Variants in PDE6B observed in about 807,000 individuals in gnomAD.
The protein encoded by PDE6B is phosphodiesterase 6B.
A neutral mutation model predicts 109.0 loss-of-function variants in PDE6B; 106 were observed. The observed-to-expected ratio is 0.97, with a 90% confidence interval of 0.83 to 1.14. The LOEUF (loss-of-function observed/expected upper bound fraction) is 1.14. Among genes scored for constraint, PDE6B ranks in the 50% most tolerant of loss-of-function variants. The probability of loss-of-function intolerance (pLI) is 0.00; values close to 1 mark genes in which losing one functional copy is unlikely to be tolerated. For missense variants in PDE6B, 1,193 were observed against 1,155.6 expected (o/e 1.03, Z -0.47); for synonymous variants, 490 against 471.3 (o/e 1.04, Z -0.51).
chr4:654,462 CGTGT>C (rs769380840), intron 5 of PDE6B: 119 of 570,800 alleles, frequency 2.1e-4, no homozygotes, highest in Middle Eastern at 9.5e-4. Context: ...GTGTAGGATG[CGTGT>C]GTGTGTGTGT....
chr4:635,601 G>T (rs946173686), intron 2 of PDE6B, among the ~76,000 whole-genome samples: 5 of 148,478 alleles, frequency 3.4e-5, no homozygotes, highest in African/African-American at 1.2e-4. Flanking sequence ...GTTCTGTGCT[G>T]CGCGTCTGCT....
At chr4:650,648 G>A (rs950934587) in intron 3 of PDE6B, among the ~76,000 whole-genome samples, 5 of 152,298 alleles carry the variant, frequency 3.3e-5, no homozygotes, top group African/African-American at 4.8e-5. Context: ...AAACAGCTCC[G>A]ACACCCACAC....
intron 3 of PDE6B, among the ~76,000 whole-genome samples, chr4:645,061 C>T (rs1305205229): frequency 6.6e-6 from 1 of 152,008 alleles, no homozygotes; most frequent in African/African-American, 2.4e-5. Context: ...ATGCCCCTTC[C>T]ACCAACAATT....
chr4:657,597 G>A lies in PDE6B; in HGVS notation c.1401+103G>A. The A allele has an allele frequency of 2.4e-6, 3 of 1,228,726 alleles. No individual in the cohort carries two copies. In the South Asian group the frequency reaches 3.8e-5, roughly 16 times the overall value. The allele number at this position is 1,228,726 out of a possible 1,614,324, so 76.1% of individuals were successfully genotyped here. On this transcript the variant is annotated intron_variant, in intron 10 of 21. Coordinates refer to ENST00000496514, the MANE Select transcript of PDE6B (RefSeq NM_000283.4). ...CAGGGGTCTCGGCTGTGTGGTGGGG[G>A]CAGGTCATCCAGGGGTCACCCAGGG...
chr4:662,667 G>C lies in PDE6B; in HGVS notation c.1832+49G>C. 8.5e-7 allele frequency: 1 copy of C among 1,180,160 alleles called. No homozygotes were observed. The highest frequency in any genetic ancestry group is 1.3e-6 in the Non-Finnish European group (1 of 784,848). 73.1% of individuals were successfully genotyped at this position (1,180,160 alleles called of 1,614,324 possible). A position where few individuals can be genotyped will look rare whatever the true frequency, so the allele number is the denominator to read the frequency against. ...TGAATTAGCCCTAAATCAACTCCAC[G>C]CCCTTGGCGTGAATTAGGCTTCGCA... On this transcript the variant is annotated intron_variant, in intron 14 of 21. Coordinates refer to ENST00000496514, the MANE Select transcript of PDE6B (RefSeq NM_000283.4). The surrounding 1 kb of genome is among the most constrained non-coding windows in gnomAD (Gnocchi z 4.3).
chr4:655,952 C>T lies in PDE6B; in HGVS notation c.1005C>T (p.Ala335=), dbSNP rs370605672. 2.1e-5 allele frequency: 33 copies of T among 1,609,022 alleles called. No homozygotes were observed. Among genetic ancestry groups the T allele is most frequent in the East Asian group, 1.8e-4 (8 of 44,868 alleles). ...TCTCTGCCCACAGCACACCCTCAGC[C>T]GATCACTGGGCCCTGGCCAGCGGCC... ...EEIKVIPTPS[A]DHWALASGLP... The change falls in exon 7 of 22, where the codon GCC becomes GCT. Residue 335 remains alanine, a synonymous_variant. Coordinates refer to ENST00000496514, the MANE Select transcript of PDE6B (RefSeq NM_000283.4).
chr4:644,825 C>T (rs941247842), intron 3 of PDE6B, among the ~76,000 whole-genome samples: 3 of 152,072 alleles, frequency 2.0e-5, no homozygotes, highest in Admixed American at 6.5e-5. Flanking sequence ...CCACCATGCC[C>T]GGCCCACAGT....
At chr4:628,820 C>T (rs1734242984) in intron 1 of PDE6B, among the ~76,000 whole-genome samples, 1 of 152,220 alleles carries the variant, frequency 6.6e-6, no homozygotes, top group South Asian at 2.1e-4. Context: ...TGCAGGGCTT[C>T]AGCTGATGGC....
At chr4:632,380 T>C (rs553543093) in intron 1 of PDE6B, among the ~76,000 whole-genome samples, 3 of 152,124 alleles carry the variant, frequency 2.0e-5, no homozygotes, top group Admixed American at 1.3e-4. Context: ...GATCATGTTG[T>C]GTGGATCCAT....
chr4:664,062 C>G (rs950641850), intron 16 of PDE6B, 52 bp from the exon 17 acceptor site: 26 of 1,313,362 alleles, frequency 2.0e-5, no homozygotes, highest in Non-Finnish European at 2.6e-5. Context: ...GCGCTTGGGG[C>G]GGGGTCTCCA....
intron 1 of PDE6B, among the ~76,000 whole-genome samples, chr4:631,311 T>A (rs949431042): frequency 2.0e-5 from 3 of 152,178 alleles, no homozygotes; most frequent in African/African-American, 7.2e-5. Flanking sequence ...AAGAAACTGG[T>A]AGAGACAAAG....
At chr4:645,536 C>T (rs1457742876) in intron 3 of PDE6B, among the ~76,000 whole-genome samples, 1 of 151,792 alleles carries the variant, frequency 6.6e-6, no homozygotes, top group Non-Finnish European at 1.5e-5. Flanking sequence ...ACCTCGTGAT[C>T]CGCCCGCCTC....
intron 8 of PDE6B, 31 bp from the exon 9 acceptor site, chr4:656,843 C>T (rs1044653676): frequency 2.5e-6 from 4 of 1,610,940 alleles, no homozygotes; most frequent in Middle Eastern, 1.7e-4. Flanking sequence ...AGCCTCAGGG[C>T]GGAGCTCAGC....
At position 626,371 on chromosome 4, in the gene PDE6B, T is replaced by C. The variant is rs1243174059; in HGVS notation, c.468+277T>C. 6.6e-6 allele frequency among the ~76,000 whole-genome samples: 1 copy of C among 152,152 alleles called. No individual in the cohort carries two copies. The highest frequency in any genetic ancestry group is 1.5e-5 in the Non-Finnish European group (1 of 68,038). On this transcript the variant is annotated intron_variant, in intron 1 of 21. Coordinates refer to ENST00000496514, the MANE Select transcript of PDE6B (RefSeq NM_000283.4). This position sits in a 1 kb window ranked among gnomAD's most constrained non-coding sequence, Gnocchi z 4.6. The stretch of plus-strand genomic sequence containing the variant: ...AGCCTCGGCTGAAGCAGACTCAGGC[T>C]CAAACCGGGGTGCCCCTGATTCTGC...
intron 3 of PDE6B, chr4:653,450 GCCACAGGCGGCCTGACGTGCGGAAA>G: frequency 2.9e-6 from 2 of 697,174 alleles, no homozygotes; most frequent in East Asian, 6.5e-5. Context: ...CTTGGCGGAG[GCCACAGGCGGCCTGACGTGCGGAAA>G]CCACGGCCCG....
At chr4:627,419 A>G (rs1402245347) in intron 1 of PDE6B, among the ~76,000 whole-genome samples, 1 of 152,052 alleles carries the variant, frequency 6.6e-6, no homozygotes, top group Admixed American at 6.5e-5. Flanking sequence ...GTGCTGGGAT[A>G]ACAGGCGTGA....
Position 663,902 on chromosome 4 carries a change from G to T in PDE6B, c.2021+32G>T, listed in dbSNP as rs1316437320. 6.6e-7 allele frequency: 1 copy of T among 1,523,834 alleles called. No homozygotes were observed. 94.4% of individuals were successfully genotyped at this position (1,523,834 alleles called of 1,614,324 possible). ...GCCTTCCGGGAGGGGGCGCCTCGCG[G>T]GGCGGGCGGGTAGCCTGGGACCCCC... On this transcript the variant is annotated intron_variant, in intron 16 of 21. Transcript: ENST00000496514. The surrounding 1 kb of genome is among the most constrained non-coding windows in gnomAD (Gnocchi z 4.0).
At chr4:651,184 C>T (rs3934458) in intron 3 of PDE6B, among the ~76,000 whole-genome samples, 47 of 139,642 alleles carry the variant, frequency 3.4e-4, no homozygotes, top group Middle Eastern at 3.9e-3. Context: ...GCAGTGGGGC[C>T]GTCACAGGCG....
intron 6 of PDE6B, 32 bp downstream of exon 6, chr4:654,920 G>A (rs10027549): frequency 1.7e-5 from 22 of 1,268,774 alleles, no homozygotes; most frequent in East Asian, 6.9e-5. Context: ...AAGCGTCCCC[G>A]GGGGAGGGAC....
Sources: allele counts gnomAD v4.1 joint callset (sites outside exome capture counted in the v4.1 genomes callset), GRCh38; gene constraint gnomAD v4.1.1; non-coding constraint Gnocchi (gnomAD v3.1); transcripts MANE v1.5; gene names NCBI Gene and HGNC (gene_info 2026-07-23, HGNC 2026-07-21).